The following ABCB1 variants were observed in gnomAD, a reference collection of about 807,000 sequenced individuals.
ABCB1 encodes the protein ATP binding cassette subfamily B member 1, also known as ATP-dependent translocase ABCB1.
Under a neutral mutation model 142.0 loss-of-function variants are expected in ABCB1, and 69 were observed. The observed-to-expected ratio is 0.49, with a 90% CI of 0.40 to 0.59. The LOEUF is 0.59. Among genes scored for constraint, ABCB1 ranks in the 20% least tolerant of loss-of-function variants. The probability of loss-of-function intolerance (pLI) is 0.00; values close to 1 mark genes in which losing one functional copy is unlikely to be tolerated. For synonymous variants in ABCB1, 532 were observed against 539.2 expected (o/e 0.99, Z 0.18); for missense variants, 1,326 against 1,554.7 (o/e 0.85, Z 2.47).
intron 3 of ABCB1, among the ~76,000 whole-genome samples, chr7:87,586,827 C>T (rs1202338236): frequency 2.6e-5 from 4 of 151,878 alleles, no homozygotes; most frequent in African/African-American, 9.7e-5. Flanking sequence ...GAATGGCAGT[C>T]CATAAAGCAG....
intron 1 of ABCB1, among the ~76,000 whole-genome samples, chr7:87,710,952 A>G (rs1563153470): frequency 6.6e-6 from 1 of 152,150 alleles, no homozygotes; most frequent in Non-Finnish European, 1.5e-5. Context: ...CTATTCCCTG[A>G]TGGATTTGAA....
At chr7:87,702,090 C>T (rs1016253884) in intron 1 of ABCB1, among the ~76,000 whole-genome samples, 3 of 119,834 alleles carry the variant, frequency 2.5e-5, no homozygotes, top group African/African-American at 1.0e-4. Context: ...TTGCAGTGAG[C>T]AGAGATCGCG....
chr7:87,503,934 CTT>C lies in ABCB1; in HGVS notation c.*307_*308del, dbSNP rs1814599377. 5 of 403,932 alleles carry C rather than the reference CTT, an allele frequency of 1.2e-5. No individual in the cohort carries two copies. The East Asian group carries it at 2.7e-4, about 22-fold the overall frequency. The allele number at this position is 403,932 out of a possible 1,614,324, so 25.0% of individuals were successfully genotyped here. On this transcript the variant is annotated 3_prime_UTR_variant, in exon 28 of 28. Transcript: ENST00000622132. Reference sequence around the variant, plus strand: ...CAATACTTTTTGCTACTTCTATAATCTTTTAGCAAGGCAGTCAGTTACAGTCC... The same window carrying C: ...CAATACTTTTTGCTACTTCTATAATCTTAGCAAGGCAGTCAGTTACAGTCC...
chr7:87,643,766 A>G (rs926879571), intron 1 of ABCB1, among the ~76,000 whole-genome samples: 1 of 152,082 alleles, frequency 6.6e-6, no homozygotes, highest in Admixed American at 6.5e-5. Context: ...AGCTCAGGCA[A>G]TCTGCCTGCC....
intron 1 of ABCB1, among the ~76,000 whole-genome samples, chr7:87,668,444 A>G (rs78968751): frequency 0.01 from 1,554 of 151,964 alleles, 29 homozygotes; most frequent in African/African-American, 0.035. Context: ...CCCTTGGATT[A>G]ATTGATCTTT....
intron 20 of ABCB1, among the ~76,000 whole-genome samples, chr7:87,533,979 A>T (rs1391682576): frequency 6.6e-6 from 1 of 152,206 alleles, no homozygotes; most frequent in East Asian, 1.9e-4. Context: ...GTCTTTGAGG[A>T]AACAAGTGAA....
intron 19 of ABCB1, among the ~76,000 whole-genome samples, chr7:87,538,043 G>A (rs1165446775): frequency 6.6e-6 from 1 of 152,204 alleles, no homozygotes; most frequent in Non-Finnish European, 1.5e-5. Flanking sequence ...CTTGAACACA[G>A]GGACCATTCA....
chr7:87,652,094 T>G (rs148172881), intron 1 of ABCB1, among the ~76,000 whole-genome samples: 528 of 152,260 alleles, frequency 3.5e-3, no homozygotes, highest in Non-Finnish European at 6.1e-3. Flanking sequence ...GATGATCGTA[T>G]TTTTAAATTT....
intron 1 of ABCB1, among the ~76,000 whole-genome samples, chr7:87,685,674 G>A (rs965618469): frequency 2.6e-5 from 4 of 152,128 alleles, no homozygotes; most frequent in Non-Finnish European, 1.5e-5. Context: ...GGGATTAAAG[G>A]TTGCAGGGTG....
intron 1 of ABCB1, among the ~76,000 whole-genome samples, chr7:87,669,988 T>C (rs972459703): frequency 3.9e-5 from 6 of 152,216 alleles, no homozygotes; most frequent in African/African-American, 1.4e-4. Context: ...AGGAGTTCTC[T>C]GTATTTTCTG....
At chr7:87,515,103 C>T in intron 25 of ABCB1, 128 bp downstream of exon 25, 2 of 1,255,598 alleles carry the variant, frequency 1.6e-6, no homozygotes, top group East Asian at 5.0e-5. Context: ...TTTAGGCTCT[C>T]AGACTTTATC....
At chr7:87,533,168 A>G (rs1026686330) in intron 20 of ABCB1, among the ~76,000 whole-genome samples, 1 of 152,126 alleles carries the variant, frequency 6.6e-6, no homozygotes, top group Admixed American at 6.6e-5. Flanking sequence ...TGCATTTCAC[A>G]TCTTTAGTTT....
intron 21 of ABCB1, chr7:87,521,762 C>T (rs1464941153): frequency 1.8e-5 from 15 of 848,412 alleles, no homozygotes; most frequent in Non-Finnish European, 2.2e-5. Context: ...AGACCAGATG[C>T]CCACCCAACT....
At chr7:87,624,553 T>C (rs931439066) in intron 1 of ABCB1, among the ~76,000 whole-genome samples, 5 of 152,222 alleles carry the variant, frequency 3.3e-5, no homozygotes, top group East Asian at 1.9e-4. Context: ...TTCCTATAAG[T>C]TAATTTAGGT....
chr7:87,595,522 T>C (rs1303935744), intron 3 of ABCB1, among the ~76,000 whole-genome samples: 4 of 152,108 alleles, frequency 2.6e-5, no homozygotes, highest in Admixed American at 6.6e-5. Context: ...AATGGATCAC[T>C]GGCAACATAA....
intron 1 of ABCB1, among the ~76,000 whole-genome samples, chr7:87,619,972 A>G (rs373451413): frequency 6.6e-6 from 1 of 152,208 alleles, no homozygotes; most frequent in East Asian, 1.9e-4. Context: ...CCTCTTAAAG[A>G]TTACTTGTGG....
intron 1 of ABCB1, among the ~76,000 whole-genome samples, chr7:87,666,340 G>A: frequency 6.6e-6 from 1 of 151,928 alleles, no homozygotes; most frequent in Non-Finnish European, 1.5e-5. Flanking sequence ...GGAGTGGTTT[G>A]TTTTTTCCTT....
intron 1 of ABCB1, chr7:87,694,066 G>A (rs1269990797): frequency 9.1e-6 from 14 of 1,534,778 alleles, no homozygotes; most frequent in Non-Finnish European, 1.2e-5. Flanking sequence ...TACATTGCAT[G>A]GGTTTTGTAA....
rs759603974 is a variant in ABCB1 at position 87,520,849 on chromosome 7, G to A, written c.2713C>T (p.Arg905Ter). The A allele has an allele frequency of 5.6e-6, 9 of 1,613,806 alleles. No individual in the cohort carries two copies. The highest frequency in any genetic ancestry group is 2.2e-5 in the South Asian group (2 of 91,076). Reference sequence around the variant, plus strand: ...TCCTGAGTCAAAGAAACAACGGTTCGGAAGTTTTCTATTGCTTCAGTAGCG... The same window carrying A: ...TCCTGAGTCAAAGAAACAACGGTTCAGAAGTTTTCTATTGCTTCAGTAGCG... ...KIATEAIENF[R>*]TVVSLTQEQK... is the part of the protein sequence containing the mutation. The change falls in exon 22 of 28, where the codon CGA becomes TGA. Residue 905 changes from arginine to a stop codon, truncating the protein, a stop_gained. Transcript: ENST00000622132. LOFTEE classifies it high-confidence loss of function.
Sources: gnomAD v4.1 joint callset for allele counts (sites outside exome capture counted in the v4.1 genomes callset) on GRCh38, gnomAD v4.1.1 for gene constraint, MANE v1.5 for transcripts, NCBI Gene and HGNC (gene_info 2026-07-23, HGNC 2026-07-21) for gene names.